ABCC6: variants seen among roughly 807,000 people sequenced by gnomAD.
ABCC6 encodes the protein ATP binding cassette subfamily C member 6, also known as ATP-binding cassette sub-family C member 6.
In ABCC6, 126 loss-of-function variants were observed where a neutral mutation model predicts 169.5. The ratio of observed to expected loss-of-function variants is 0.74; its 90% CI spans 0.64 to 0.86. ABCC6 has a LOEUF of 0.86. Ranked by LOEUF, ABCC6 falls within the 40% of genes least tolerant of loss-of-function variation. The probability of loss-of-function intolerance (pLI) is 0.00; values close to 1 mark genes in which losing one functional copy is unlikely to be tolerated. For missense variants in ABCC6, 1,733 were observed against 1,927.2 expected, an observed-to-expected ratio of 0.90 and a Z score of 1.89; for synonymous variants, 752 against 814.7, an observed-to-expected ratio of 0.92 and a Z score of 1.31.
chr16:16,209,592 T>G (rs1480291856), intron 6 of ABCC6, among the ~76,000 whole-genome samples: 13 of 133,982 alleles, frequency 9.7e-5, no homozygotes, highest in Admixed American at 2.2e-4. Flanking sequence ...CTCCCTCAGC[T>G]TTTTTTTTTT....
In ABCC6 at chr16:16,203,428, G is replaced by A; in HGVS notation, c.980C>T (p.Thr327Ile). 1.2e-6 allele frequency: 2 copies of A among 1,613,966 alleles called. No homozygotes were observed. The highest frequency in any genetic ancestry group is 2.2e-5 in the South Asian group (2 of 91,068). Residue 327 changes from threonine to isoleucine, a missense_variant, in exon 8 of 31, where the codon ACT becomes ATT. Thr to Ile is a moderately conservative substitution (Grantham distance 89). This residue lies in a region of ABCC6 where 1,601 missense variants were observed against 1,635.5 expected (regional missense o/e 0.98). Coordinates refer to ENST00000205557, the MANE Select transcript of ABCC6 (RefSeq NM_001171.6). ...SLIISDVFRF[T>I]VPKLLSLFLE... is the part of the protein sequence containing the mutation. ...GACTCACCTGAGCAGCTTGGGGACA[G>A]TGAACCTGAAGACATCACTGATGAT...
chr16:16,149,650 T>C lies in ABCC6; in HGVS notation c.*483A>G, dbSNP rs144303704. 140 of 281,928 alleles carry C rather than the reference T, an allele frequency of 5.0e-4. No individual in the cohort carries two copies. The highest frequency in any genetic ancestry group is 8.5e-4 in the Non-Finnish European group (125 of 146,992). The allele number at this position is 281,928 out of a possible 1,614,324, so 17.5% of individuals were successfully genotyped here. The stretch of plus-strand genomic sequence containing the variant: ...TGCTTTATCCTAGAGTTTTGCAAGA[T>C]GTTACCATTGGGTGAAATGGGGTAC... On this transcript the variant is annotated 3_prime_UTR_variant, in exon 31 of 31. Coordinates refer to ENST00000205557, the MANE Select transcript of ABCC6 (RefSeq NM_001171.6).
chr16:16,216,199 G>C (rs1479008900), intron 4 of ABCC6, among the ~76,000 whole-genome samples: 1 of 152,194 alleles, frequency 6.6e-6, no homozygotes, highest in African/African-American at 2.4e-5. Flanking sequence ...TGGAATTACA[G>C]GTGTGAGCCA....
intron 9 of ABCC6, 79 bp downstream of exon 9, chr16:16,201,922 C>T (rs2048247476): frequency 6.5e-7 from 1 of 1,547,868 alleles, no homozygotes; most frequent in East Asian, 2.2e-5. Flanking sequence ...GCGTTCTCAG[C>T]TGCTGATAAC....
At chr16:16,166,309 A>G (rs2046872253) in intron 22 of ABCC6, among the ~76,000 whole-genome samples, 1 of 151,718 alleles carries the variant, frequency 6.6e-6, no homozygotes, top group Non-Finnish European at 1.5e-5. Context: ...TTGGCCTCCC[A>G]AAGTGCTGAG....
At chr16:16,176,354 C>T (rs2047277663) in intron 19 of ABCC6, among the ~76,000 whole-genome samples, 2 of 152,218 alleles carry the variant, frequency 1.3e-5, no homozygotes, top group South Asian at 4.1e-4. Flanking sequence ...CAGGTACCAT[C>T]TCCCCTAGGA....
Position 16,212,838 on chromosome 16 carries a change from G to A in ABCC6, c.601-592C>T, listed in dbSNP as rs1424760017. Among the ~76,000 whole-genome samples, 10 of 152,130 alleles carry A rather than the reference G, an allele frequency of 6.6e-5. No individual in the cohort carries two copies. The East Asian group carries it at 1.9e-3, about 30-fold the overall frequency. On this transcript the variant is annotated intron_variant, in intron 5 of 30. Coordinates refer to ENST00000205557, the MANE Select transcript of ABCC6 (RefSeq NM_001171.6). ...CTCAAAAGGAAGGACACTGCATAAC[G>A]AAGAAATTAGATCCTTGACAATATC...
At chr16:16,222,852 C>T (rs1035596293) in intron 1 of ABCC6, among the ~76,000 whole-genome samples, 1 of 152,198 alleles carries the variant, frequency 6.6e-6, no homozygotes, top group Non-Finnish European at 1.5e-5. Flanking sequence ...GTTTCCTTCC[C>T]TGTAAAAGGG....
chr16:16,161,318 GA>G, intron 25 of ABCC6, 119 bp downstream of exon 25: 1 of 1,468,502 alleles, frequency 6.8e-7, no homozygotes, highest in Non-Finnish European at 9.3e-7. Context: ...CTCCTTGGTG[GA>G]GGGACTCCAC....
rs2152266366 is a variant in ABCC6 at position 16,187,162 on chromosome 16, ACTT to A, written c.1826_1828del (p.Glu609del). 1 of 1,613,782 alleles carries A rather than the reference ACTT, an allele frequency of 6.2e-7. No individual in the cohort carries two copies. Among genetic ancestry groups the A allele is most frequent in the Non-Finnish European group, 8.5e-7 (1 of 1,179,830 alleles). On this transcript the variant is annotated inframe_deletion, in exon 14 of 31. Transcript: ENST00000205557. ...ACTTGAGTCTACGACACCAGGGTCA[ACTT>A]CTTCCAGGCAGAGGAAGGTGACCAG...
chr16:16,192,884 G>A lies in ABCC6; in HGVS notation c.1377C>T (p.Phe459=), dbSNP rs778756933. Residue 459 remains phenylalanine, a synonymous_variant, in exon 11 of 31, where the codon TTC becomes TTT. Coordinates refer to ENST00000205557, the MANE Select transcript of ABCC6 (RefSeq NM_001171.6). Reference sequence around the variant, plus strand: ...AGAAATTCAGAGGGAGGAGGCTCAGGAAGACAGCGATGGCAGTGAGGGCGG... The same window carrying A: ...AGAAATTCAGAGGGAGGAGGCTCAGAAAGACAGCGATGGCAGTGAGGGCGG... ...GPSALTAIAV[F]LSLLPLNFFI... 6.2e-7 allele frequency: 1 copy of A among 1,614,160 alleles called. No individual in the cohort carries two copies. Among genetic ancestry groups the A allele is most frequent in the East Asian group, 2.2e-5 (1 of 44,868 alleles).
chr16:16,167,822 C>T (rs1057209591), intron 22 of ABCC6, among the ~76,000 whole-genome samples: 2 of 152,142 alleles, frequency 1.3e-5, no homozygotes, highest in African/African-American at 4.8e-5. Flanking sequence ...ATTTCTCTCT[C>T]TCAGCTCCCA....
intron 17 of ABCC6, among the ~76,000 whole-genome samples, chr16:16,179,952 G>A (rs899919091): frequency 6.6e-6 from 1 of 152,158 alleles, no homozygotes; most frequent in Non-Finnish European, 1.5e-5. Flanking sequence ...ATCAGTGGGA[G>A]CCCTGAGCTT....
rs749213853 is a variant in ABCC6, at chr16:16,202,188, G to A, written c.999-10C>T. 3.7e-6 allele frequency: 6 copies of A among 1,605,484 alleles called. No homozygotes were observed. In the African/African-American group the frequency reaches 8.0e-5, roughly 22 times the overall value. ...AAACTCCAGGAAAAGGCTTGCAGGG[G>A]AAGGAGGGAGAAGGTACAGCTGGTG... On this transcript the variant is annotated splice_polypyrimidine_tract_variant and intron_variant, in intron 8 of 30. Transcript: ENST00000205557.
At chr16:16,169,935 C>A in intron 21 of ABCC6, 82 bp from the exon 22 acceptor site, 1 of 1,399,840 alleles carries the variant, frequency 7.1e-7, no homozygotes, top group South Asian at 1.2e-5. Flanking sequence ...GCGAGGCTCC[C>A]AGAAAACATG....
chr16:16,151,352 C>T (rs190853914), intron 29 of ABCC6, among the ~76,000 whole-genome samples: 131 of 152,294 alleles, frequency 8.6e-4, no homozygotes, highest in African/African-American at 3.0e-3. Context: ...CACTGCGCCC[C>T]GGTAGTTCTA....
Position 16,150,728 on chromosome 16 carries a change from C to G in ABCC6, c.4253G>C (p.Arg1418Pro), listed in dbSNP as rs63751262. 6.2e-7 allele frequency: 1 copy of G among 1,613,854 alleles called. No individual in the cohort carries two copies. Among genetic ancestry groups the G allele is most frequent in the Middle Eastern group, 1.6e-4 (1 of 6,062 alleles). Residue 1418 changes from arginine to proline, a missense_variant, in exon 30 of 31, where the codon CGG becomes CCG. Arg to Pro is a moderately radical substitution (Grantham distance 103). Transcript: ENST00000205557. ...GTCCAGGATGAGGATCTGGGTCTTCCGGAGAAGGGCACGTGCCAGACACAG... is the reference window on the plus strand; with the variant it reads ...GTCCAGGATGAGGATCTGGGTCTTCGGGAGAAGGGCACGTGCCAGACACAG... Reference protein sequence around the residue: ...QLLCLARALLRKTQILILDEA... With the variant: ...QLLCLARALLPKTQILILDEA...
At chr16:16,170,095 T>TTTC (rs112642407) in intron 21 of ABCC6, among the ~76,000 whole-genome samples, 139,110 of 146,004 alleles carry the variant, frequency 0.95, 66,258 homozygotes, top group East Asian at 0.99. Flanking sequence ...TATTTTTTCT[T>TTTC]TTGTTTTTTT....
At chr16:16,159,606 G>T in intron 25 of ABCC6, 23 bp from the exon 26 acceptor site, 1 of 1,612,100 alleles carries the variant, frequency 6.2e-7, no homozygotes, top group Non-Finnish European at 8.5e-7. Context: ...AGCCTCTCTG[G>T]CTGGGTTTGG....
Sources: allele counts gnomAD v4.1 joint callset (sites outside exome capture counted in the v4.1 genomes callset), GRCh38; gene constraint gnomAD v4.1.1; regional missense constraint gnomAD v4.1.1; transcripts MANE v1.5; gene names NCBI Gene and HGNC (gene_info 2026-07-23, HGNC 2026-07-21).